Variants in BLTP1 observed in about 807,000 individuals in gnomAD.
The protein encoded by BLTP1 is bridge-like lipid transfer protein family member 1.
At chr4:122,176,395 G>A in the BLTP1 span, among the ~76,000 whole-genome samples, 1 of 151,788 alleles carries the variant, frequency 6.6e-6, no homozygotes, top group African/African-American at 2.4e-5. Context: ...TTAAATGAGA[G>A]GTATATACTC....
the BLTP1 span, chr4:122,203,986 TCA>T: frequency 3.8e-6 from 1 of 264,206 alleles, no homozygotes; most frequent in Admixed American, 6.5e-5. Context: ...CAATCGTATC[TCA>T]ATCTTTTGAC....
At chr4:122,308,284 C>A in the BLTP1 span, 2 of 1,049,300 alleles carry the variant, frequency 1.9e-6, no homozygotes, top group Non-Finnish European at 2.7e-6. Flanking sequence ...TAGTAGGTAG[C>A]AAGTAAGATT....
the BLTP1 span, chr4:122,190,251 T>C: frequency 1.8e-6 from 1 of 560,878 alleles, no homozygotes; most frequent in African/African-American, 2.0e-5. Flanking sequence ...AATATGCCAC[T>C]ATGCCTGACT....
the BLTP1 span, chr4:122,204,326 G>A: frequency 1.0e-6 from 1 of 977,980 alleles, no homozygotes; most frequent in Non-Finnish European, 1.2e-6. Context: ...GTCTGAAATG[G>A]TGTTTTTAAA....
At chr4:122,353,994 A>G in the BLTP1 span, 12 of 1,613,554 alleles carry the variant, frequency 7.4e-6, no homozygotes, top group Admixed American at 1.5e-4. The surrounding 1 kb of genome is among the most constrained non-coding windows in gnomAD (Gnocchi z 4.3). Flanking sequence ...TGGTTCAATT[A>G]TGTTACAGCT....
chr4:122,328,730 A>C, the BLTP1 span: 2 of 983,972 alleles, frequency 2.0e-6, no homozygotes, highest in Non-Finnish European at 2.4e-6. Context: ...TAAGAAAAGT[A>C]GTAAAGGGAA....
At chr4:122,153,901 G>T in the BLTP1 span, 3 of 606,802 alleles carry the variant, frequency 4.9e-6, no homozygotes, top group Non-Finnish European at 6.2e-6. Flanking sequence ...ACGTAATATT[G>T]GACTAAAAGA....
chr4:122,344,358 T>C, the BLTP1 span: 2 of 1,611,048 alleles, frequency 1.2e-6, no homozygotes, highest in Non-Finnish European at 1.7e-6. Flanking sequence ...ATGTGGGGGT[T>C]GTGTTTGTTT....
At chr4:122,242,068 G>A in the BLTP1 span, among the ~76,000 whole-genome samples, 1 of 152,100 alleles carries the variant, frequency 6.6e-6, no homozygotes, top group African/African-American at 2.4e-5. Flanking sequence ...ACAGTATGGA[G>A]ATTCCTCAAA....
At chr4:122,274,566 T>C in the BLTP1 span, 2 of 1,394,194 alleles carry the variant, frequency 1.4e-6, no homozygotes, top group Non-Finnish European at 1.9e-6. Flanking sequence ...AATCCTGTCG[T>C]TAAGAATATC....
the BLTP1 span, among the ~76,000 whole-genome samples, chr4:122,235,781 G>A: frequency 3.8e-4 from 58 of 152,290 alleles, no homozygotes; most frequent in East Asian, 0.011. Flanking sequence ...CTCCAGCCTG[G>A]GCGACAGAGC....
At chr4:122,345,039 CA>C in the BLTP1 span, 1 of 983,772 alleles carries the variant, frequency 1.0e-6, no homozygotes. Context: ...AAAGTAAATG[CA>C]AATAGACATT....
At chr4:122,214,307 T>A in the BLTP1 span, 3 of 925,774 alleles carry the variant, frequency 3.2e-6, no homozygotes, top group African/African-American at 5.4e-5. Flanking sequence ...TGGAGAATTC[T>A]TAAGTAAATT....
the BLTP1 span, chr4:122,359,854 T>C: frequency 7.2e-7 from 1 of 1,385,684 alleles, no homozygotes; most frequent in Non-Finnish European, 9.3e-7. Context: ...GTCTATAGCT[T>C]CTGTGTGCTG....
the BLTP1 span, chr4:122,199,200 T>A: frequency 8.6e-6 from 4 of 464,494 alleles, no homozygotes; most frequent in South Asian, 3.6e-4. Flanking sequence ...GATCACCTAT[T>A]AAGTTAGCAA....
the BLTP1 span, chr4:122,256,105 C>T: frequency 1.0e-6 from 1 of 982,238 alleles, no homozygotes; most frequent in Non-Finnish European, 1.2e-6. Flanking sequence ...CTTTTAGGAT[C>T]TCTCTTCTCC....
the BLTP1 span, chr4:122,279,824 CAAAGA>C: frequency 6.2e-7 from 1 of 1,613,978 alleles, no homozygotes; most frequent in Non-Finnish European, 8.5e-7. Flanking sequence ...CTACAGTGCC[CAAAGA>C]GGGCTGAAGA....
chr4:122,302,242 A>T, the BLTP1 span: 7 of 981,452 alleles, frequency 7.1e-6, no homozygotes, highest in Non-Finnish European at 8.5e-6. Context: ...ATTGCTACTA[A>T]CACGAGAAAT....
chr4:122,310,407 A>G, the BLTP1 span, among the ~76,000 whole-genome samples: 9 of 152,298 alleles, frequency 5.9e-5, no homozygotes, highest in Admixed American at 5.9e-4. Flanking sequence ...GGTTTATTTA[A>G]TATGAGGTTT....
Sources: gnomAD v4.1 joint callset for allele counts (sites outside exome capture counted in the v4.1 genomes callset) on GRCh38, gnomAD v4.1.1 for gene constraint, Gnocchi (gnomAD v3.1) non-coding constraint, MANE v1.5 for transcripts, NCBI Gene and HGNC (gene_info 2026-07-23, HGNC 2026-07-21) for gene names.